ITPK1: variants seen among roughly 807,000 people sequenced by gnomAD.
ITPK1 encodes the protein inositol-tetrakisphosphate 1-kinase.
A neutral mutation model predicts 45.3 loss-of-function variants in ITPK1; 21 were observed. The ratio of observed to expected loss-of-function variants is 0.46; its 90% CI spans 0.33 to 0.67. ITPK1 has a LOEUF of 0.67. Ranked by LOEUF, ITPK1 falls within the 30% of genes least tolerant of loss-of-function variation. The pLI is 0.02. For missense variants in ITPK1, 474 were observed against 573.5 expected (o/e 0.83, Z 1.77); for synonymous variants, 258 against 253.6 (o/e 1.02, Z -0.16).
At chr14:93,113,511 G>C (rs1328488042) in intron 2 of ITPK1, among the ~76,000 whole-genome samples, 2 of 152,198 alleles carry the variant, frequency 1.3e-5, no homozygotes, top group African/African-American at 4.8e-5. Flanking sequence ...CATGACTGCA[G>C]GGGGAGCTCC....
rs1320080788 is a variant in ITPK1, at chr14:92,940,171, C to A, written c.*1390G>T. The A allele has an allele frequency of 3.0e-6, 3 of 985,642 alleles. No homozygotes were observed. The highest frequency in any genetic ancestry group is 2.4e-6 in the Non-Finnish European group (2 of 830,110). The allele number at this position is 985,642 out of a possible 1,614,324, so 61.1% of individuals were successfully genotyped here. ...ACTGGCTCGGGGGCCTCTCTCGGGA[C>A]ACTCAGCACTTTCTCTAGCGTCCTC... On this transcript the variant is annotated 3_prime_UTR_variant, in exon 11 of 11. Transcript: ENST00000267615.
intron 2 of ITPK1, among the ~76,000 whole-genome samples, chr14:93,082,431 A>G (rs1360953831): frequency 2.6e-5 from 4 of 151,956 alleles, no homozygotes; most frequent in Non-Finnish European, 2.9e-5. Flanking sequence ...AGAGCAGAAC[A>G]TGGAACCAGA....
chr14:93,007,154 C>G (rs1262638373), intron 4 of ITPK1, among the ~76,000 whole-genome samples: 3 of 152,248 alleles, frequency 2.0e-5, no homozygotes, highest in African/African-American at 7.2e-5. Context: ...TGCCCAAGGT[C>G]ACACGGAGCT....
At chr14:93,001,187 G>A (rs1348530116) in intron 4 of ITPK1, among the ~76,000 whole-genome samples, 1 of 152,054 alleles carries the variant, frequency 6.6e-6, no homozygotes, top group African/African-American at 2.4e-5. Context: ...CAGCTACTCA[G>A]GAGGCTGAGG....
At chr14:92,962,259 A>G (rs933137252) in intron 7 of ITPK1, 96 bp downstream of exon 7, 1 of 893,050 alleles carries the variant, frequency 1.1e-6, no homozygotes, top group Non-Finnish European at 1.9e-6. Flanking sequence ...GCAGGGCAGG[A>G]GCAGTGGCAG....
At chr14:92,950,865 A>G (rs1887924651) in intron 9 of ITPK1, among the ~76,000 whole-genome samples, 1 of 152,218 alleles carries the variant, frequency 6.6e-6, no homozygotes, top group Non-Finnish European at 1.5e-5. Flanking sequence ...CCAAAGCCTG[A>G]TATGTTCCCA....
chr14:93,088,346 T>G lies in ITPK1; in HGVS notation c.96-11727A>C, dbSNP rs571570662. On this transcript the variant is annotated intron_variant, in intron 2 of 10. Transcript: ENST00000267615. ...TTCTTTTTTGGTTTTGTTTTGTTTT[T>G]TTTTTTTTTTTGAGACAGGGTCTCC... 1.7e-3 allele frequency among the ~76,000 whole-genome samples: 246 copies of G among 148,808 alleles called. 1 individual carries two copies. Among genetic ancestry groups the G allele is most frequent in the South Asian group, 6.4e-3 (30 of 4,652 alleles).
Position 92,946,430 on chromosome 14 carries a change from C to T in ITPK1, c.802G>A (p.Ala268Thr), listed in dbSNP as rs1173001398. The T allele has an allele frequency of 1.2e-6, 2 of 1,613,222 alleles. No homozygotes were observed. The highest frequency in any genetic ancestry group is 1.7e-6 in the Non-Finnish European group (2 of 1,179,972). ...GACACGCCCAGTGCCTGCCGCAGGGCCCGGGAGAGCTCCCGGATGACCTCG... is the reference window on the plus strand; with the variant it reads ...GACACGCCCAGTGCCTGCCGCAGGGTCCGGGAGAGCTCCCGGATGACCTCG... Reference protein sequence around the residue: ...SDEVIRELSRALRQALGVSLF... With the variant: ...SDEVIRELSRTLRQALGVSLF... Residue 268 changes from alanine to threonine, a missense_variant, in exon 10 of 11, where the codon GCC (alanine) becomes ACC (threonine). Physicochemically the swap from Ala to Thr is moderately conservative, Grantham distance 58 (BLOSUM62 0). Coordinates refer to ENST00000267615, the MANE Select transcript of ITPK1 (RefSeq NM_014216.6).
At chr14:93,038,342 C>T (rs1310655893) in intron 3 of ITPK1, among the ~76,000 whole-genome samples, 1 of 152,006 alleles carries the variant, frequency 6.6e-6, no homozygotes, top group Non-Finnish European at 1.5e-5. Context: ...GCCAACATTG[C>T]ATATTCTTCT....
intron 4 of ITPK1, among the ~76,000 whole-genome samples, chr14:93,006,304 C>T (rs1887611974): frequency 6.6e-6 from 1 of 152,318 alleles, no homozygotes; most frequent in South Asian, 2.1e-4. Flanking sequence ...CAACAACAAC[C>T]CATCCCCTCC....
At chr14:93,037,813 C>CT (rs1304399780) in intron 3 of ITPK1, among the ~76,000 whole-genome samples, 2 of 152,202 alleles carry the variant, frequency 1.3e-5, no homozygotes, top group Admixed American at 6.5e-5. Context: ...AAAAAACTGT[C>CT]TTTTTTCTCT....
intron 3 of ITPK1, among the ~76,000 whole-genome samples, chr14:93,045,946 C>G (rs575804947): frequency 3.9e-4 from 60 of 152,198 alleles, no homozygotes; most frequent in Admixed American, 9.2e-4. Context: ...GACTTCCTTT[C>G]CACACTCACA....
rs1408678943 is a variant in ITPK1 at position 93,063,969 on chromosome 14, A to T, written c.120+12626T>A. Among the ~76,000 whole-genome samples the T allele has an allele frequency of 6.6e-6, 1 of 152,160 alleles. No homozygotes were observed. Among genetic ancestry groups the T allele is most frequent in the African/African-American group, 2.4e-5 (1 of 41,422 alleles). On this transcript the variant is annotated intron_variant, in intron 3 of 10. Transcript: ENST00000267615. The surrounding 1 kb of genome is among the most constrained non-coding windows in gnomAD (Gnocchi z 4.3). Reference sequence around the variant, plus strand: ...CCTACTAGGTGCTTACTGCCCAGACAACAGGGCTGGTGACCTTTAAAAAAA... The same window carrying T: ...CCTACTAGGTGCTTACTGCCCAGACTACAGGGCTGGTGACCTTTAAAAAAA...
chr14:93,105,649 G>A (rs1892490682), intron 2 of ITPK1, among the ~76,000 whole-genome samples: 1 of 150,128 alleles, frequency 6.7e-6, no homozygotes. Context: ...AGCCTGCCGA[G>A]TAGTAGCTGG....
At chr14:93,007,633 A>G (rs973206166) in intron 4 of ITPK1, among the ~76,000 whole-genome samples, 1 of 152,148 alleles carries the variant, frequency 6.6e-6, no homozygotes, top group African/African-American at 2.4e-5. Flanking sequence ...CAGCCACCCG[A>G]GTCTTCTAGT....
intron 3 of ITPK1, among the ~76,000 whole-genome samples, chr14:93,042,837 G>A (rs1218713533): frequency 6.6e-6 from 1 of 152,108 alleles, no homozygotes; most frequent in African/African-American, 2.4e-5. Flanking sequence ...GAGCAACATG[G>A]TGAAACCCCA....
chr14:92,964,283 C>T (rs1038209556), intron 5 of ITPK1, among the ~76,000 whole-genome samples: 4 of 152,092 alleles, frequency 2.6e-5, no homozygotes, highest in Non-Finnish European at 2.9e-5. Flanking sequence ...TGTTCAATCC[C>T]AAGCGGTCCC....
intron 2 of ITPK1, among the ~76,000 whole-genome samples, chr14:93,105,485 G>A (rs1008254690): frequency 2.6e-5 from 4 of 151,106 alleles, no homozygotes; most frequent in Non-Finnish European, 5.9e-5. Context: ...GAGACTTCAG[G>A]ATGTGTACTT....
At chr14:93,015,358 C>T (rs1242216945) in intron 4 of ITPK1, among the ~76,000 whole-genome samples, 2 of 152,204 alleles carry the variant, frequency 1.3e-5, no homozygotes, top group Non-Finnish European at 2.9e-5. Context: ...CAGCCCAGCC[C>T]TGGCACAGGG....
Sources: gnomAD v4.1 joint callset for allele counts (sites outside exome capture counted in the v4.1 genomes callset) on GRCh38, gnomAD v4.1.1 for gene constraint, Gnocchi (gnomAD v3.1) non-coding constraint, MANE v1.5 for transcripts, NCBI Gene and HGNC (gene_info 2026-07-23, HGNC 2026-07-21) for gene names.